Variants in ALPK2 observed in about 807,000 individuals in gnomAD.
The protein encoded by ALPK2 is alpha kinase 2.
In ALPK2, 127 loss-of-function variants were observed where a neutral mutation model predicts 163.1. That is an observed-to-expected ratio of 0.78 (90% CI 0.67 to 0.90). The LOEUF (loss-of-function observed/expected upper bound fraction) is 0.90, where lower values mean the gene tolerates loss of function less well. Ranked by LOEUF, ALPK2 falls within the 40% of genes least tolerant of loss-of-function variation. The pLI, the probability that ALPK2 is intolerant of heterozygous loss-of-function variation, is 0.00. For missense variants in ALPK2, 2,360 were observed against 2,589.6 expected, an observed-to-expected ratio of 0.91 and a Z score of 1.92; for synonymous variants, 953 against 959.1, an observed-to-expected ratio of 0.99 and a Z score of 0.12.
chr18:58,485,502 CT>C (rs1345633648), intron 12 of ALPK2, among the ~76,000 whole-genome samples: 2 of 152,248 alleles, frequency 1.3e-5, no homozygotes, highest in East Asian at 3.8e-4. Flanking sequence ...TGCTCTGCCC[CT>C]GGGAGCCCAC....
In ALPK2 at chr18:58,481,873, T is replaced by C. The variant is rs143495285; in HGVS notation, c.6463A>G (p.Met2155Val). 14 of 1,614,080 alleles carry C rather than the reference T, an allele frequency of 8.7e-6. No individual in the cohort carries two copies. In the African/African-American group the frequency reaches 1.5e-4, roughly 17 times the overall value. The change falls in exon 13 of 13, where the codon ATG becomes GTG. Residue 2155 changes from methionine to valine, a missense_variant. Met to Val is a conservative substitution (Grantham distance 21, BLOSUM62 1). Coordinates refer to ENST00000361673, the MANE Select transcript of ALPK2 (RefSeq NM_052947.4). ...IGKSKVQTNS[M>V]TIKKAGPETP... is the part of the protein sequence containing the mutation. ...TCAGGCCCTGCCTTCTTTATTGTCA[T>C]AGAGTTTGTTTGAACTTTGCTTTTC...
chr18:58,493,434 C>T (rs531463799), intron 12 of ALPK2, among the ~76,000 whole-genome samples: 1 of 152,284 alleles, frequency 6.6e-6, no homozygotes, highest in South Asian at 2.1e-4. Flanking sequence ...TGTTTTGGCG[C>T]TTCCTCTCCA....
chr18:58,602,415 T>A (rs1325318311), intron 3 of ALPK2, among the ~76,000 whole-genome samples: 3 of 152,210 alleles, frequency 2.0e-5, no homozygotes, highest in African/African-American at 4.8e-5. Context: ...TAAAATCAAG[T>A]TGTCGTCAAG....
At chr18:58,601,427 CT>C (rs2052069108) in intron 3 of ALPK2, among the ~76,000 whole-genome samples, 1 of 152,186 alleles carries the variant, frequency 6.6e-6, no homozygotes, top group Admixed American at 6.5e-5. Flanking sequence ...GTACGCACAC[CT>C]TGTTGCAATG....
At chr18:58,538,334 G>T in intron 4 of ALPK2, 110 bp from the exon 5 acceptor site, 1 of 997,950 alleles carries the variant, frequency 1.0e-6, no homozygotes, top group Non-Finnish European at 1.5e-6. Context: ...TAATGGACAA[G>T]AATGATTGAA....
Position 58,537,790 on chromosome 18 carries a change from T to TTCTCTGTCCC in ALPK2, c.2387_2396dup (p.Ala800GlyfsTer12). ...CAAAACACTCCATTGCACACACTGCTTCTCTGTCCCTTGGCTCATCACACA... is the reference window on the plus strand; with the variant it reads ...CAAAACACTCCATTGCACACACTGCTTCTCTGTCCCTCTCTGTCCCTTGGCTCATCACACA... On this transcript the variant is annotated frameshift_variant, in exon 5 of 13. Transcript: ENST00000361673. LOFTEE classifies it high-confidence loss of function. The TTCTCTGTCCC allele has an allele frequency of 1.2e-6, 2 of 1,614,164 alleles. No individual in the cohort carries two copies. Among genetic ancestry groups the TTCTCTGTCCC allele is most frequent in the East Asian group, 4.5e-5 (2 of 44,876 alleles).
intron 10 of ALPK2, chr18:58,512,222 T>C (rs2144120948): frequency 6.6e-6 from 1 of 152,348 alleles, no homozygotes; most frequent in Middle Eastern, 3.4e-3. Context: ...TTATTAATTC[T>C]GCATCCCTGG....
chr18:58,626,585 A>G (rs2052231877), intron 1 of ALPK2, among the ~76,000 whole-genome samples: 1 of 152,196 alleles, frequency 6.6e-6, no homozygotes, highest in Admixed American at 6.6e-5. Flanking sequence ...TCATATTTAA[A>G]TATGGTAATG....
intron 4 of ALPK2, among the ~76,000 whole-genome samples, chr18:58,568,448 A>T (rs1362215353): frequency 6.6e-6 from 1 of 152,092 alleles, no homozygotes; most frequent in African/African-American, 2.4e-5. Flanking sequence ...TTAGCTCCAT[A>T]TGGGCTCCAG....
intron 5 of ALPK2, 143 bp from the exon 6 acceptor site, chr18:58,529,381 G>C: frequency 1.1e-6 from 1 of 895,564 alleles, no homozygotes; most frequent in Non-Finnish European, 1.6e-6. Context: ...TGAGGGGAGA[G>C]GTGGCTTGCC....
At chr18:58,553,065 G>T (rs1602214656) in intron 4 of ALPK2, among the ~76,000 whole-genome samples, 2 of 152,150 alleles carry the variant, frequency 1.3e-5, no homozygotes, top group African/African-American at 4.8e-5. Flanking sequence ...TTGGATTAAT[G>T]TTGGCTCCAA....
chr18:58,549,323 G>A (rs559426791), intron 4 of ALPK2, among the ~76,000 whole-genome samples: 19 of 152,292 alleles, frequency 1.2e-4, no homozygotes, highest in Admixed American at 3.3e-4. Context: ...GAAATCAAAG[G>A]TAAGATGTGA....
chr18:58,580,121 T>G lies in ALPK2; in HGVS notation c.655A>C (p.Asn219His). ...TGTTTTTCATAAATATGACTTGAAT[T>G]AAGAAAAAGCAACCCATTTGCAATT... Reference protein sequence around the residue: ...EEIANGLLFLNSSHIYEKQDR... With the variant: ...EEIANGLLFLHSSHIYEKQDR... Residue 219 changes from asparagine (N) to histidine (H), a missense_variant, in exon 4 of 13, where the codon AAT becomes CAT. Transcript: ENST00000361673. 6.2e-7 allele frequency: 1 copy of G among 1,614,250 alleles called. No homozygotes were observed. Among genetic ancestry groups the G allele is most frequent in the Admixed American group, 1.7e-5 (1 of 60,024 alleles).
At position 58,622,463 on chromosome 18, in the gene ALPK2, G is replaced by T. The variant is rs2052207078; in HGVS notation, c.-21+6301C>A. ...AGACAGGTTAGGTGACATTTCCAAG[G>T]TCACACAGCTTGTTAGTGACAGAGT... On this transcript the variant is annotated intron_variant, in intron 1 of 12. Transcript: ENST00000361673. Among the ~76,000 whole-genome samples, 5 of 152,080 alleles carry T rather than the reference G, an allele frequency of 3.3e-5. No individual in the cohort carries two copies. The South Asian group carries it at 1.0e-3, about 32-fold the overall frequency.
chr18:58,545,889 C>T (rs1012253231), intron 4 of ALPK2, among the ~76,000 whole-genome samples: 3 of 152,160 alleles, frequency 2.0e-5, no homozygotes, highest in Non-Finnish European at 4.4e-5. Flanking sequence ...CCACGGATAA[C>T]CTTTCCTAAA....
intron 1 of ALPK2, among the ~76,000 whole-genome samples, chr18:58,616,658 A>G (rs1349130481): frequency 6.6e-6 from 1 of 152,072 alleles, no homozygotes; most frequent in East Asian, 1.9e-4. Context: ...GCACATCCCA[A>G]CTCCATGGGG....
intron 4 of ALPK2, chr18:58,538,427 G>T: frequency 1.9e-6 from 1 of 517,418 alleles, no homozygotes; most frequent in Non-Finnish European, 3.3e-6. Context: ...TGTGTTCCAG[G>T]GGGCCCTTTG....
At chr18:58,619,279 C>T (rs1209888033) in intron 1 of ALPK2, among the ~76,000 whole-genome samples, 1 of 150,144 alleles carries the variant, frequency 6.7e-6, no homozygotes, top group Non-Finnish European at 1.5e-5. Flanking sequence ...GTGTTCTTTG[C>T]TATTTCCCAG....
At position 58,492,185 on chromosome 18, in the gene ALPK2, AAGACAC is replaced by A. The variant is rs2051378818; in HGVS notation, c.6296+5858_6296+5863del. On this transcript the variant is annotated intron_variant, in intron 12 of 12. Transcript: ENST00000361673. Reference sequence around the variant, plus strand: ...CACAACACACAGAGGCAGACACAAAAAGACACAGACACAGATATACACACAGACACA... The same window carrying A: ...CACAACACACAGAGGCAGACACAAAAAGACACAGATATACACACAGACACA... Among the ~76,000 whole-genome samples, 6 of 151,866 alleles carry A rather than the reference AAGACAC, an allele frequency of 4.0e-5. No individual in the cohort carries two copies. The South Asian group carries it at 1.2e-3, about 32-fold the overall frequency.
Sources: allele counts gnomAD v4.1 joint callset (sites outside exome capture counted in the v4.1 genomes callset), GRCh38; gene constraint gnomAD v4.1.1; transcripts MANE v1.5; gene names NCBI Gene and HGNC (gene_info 2026-07-23, HGNC 2026-07-21).